Variants in IMPG1 observed in about 807,000 individuals in gnomAD.
The protein encoded by IMPG1 is interphotoreceptor matrix proteoglycan 1.
IMPG1 carries 85 observed loss-of-function variants against 92.0 expected under a neutral mutation model. The observed-to-expected ratio is 0.92, with a 90% CI of 0.78 to 1.11. The LOEUF is 1.11. Among genes scored for constraint, IMPG1 ranks in the 50% least tolerant of loss-of-function variants. IMPG1 has a pLI of 0.00. For synonymous variants in IMPG1, 367 were observed against 334.1 expected (o/e 1.10, Z -1.08); for missense variants, 1,022 against 956.0 (o/e 1.07, Z -0.91).
At chr6:76,011,924 T>C (rs1783193209) in intron 7 of IMPG1, among the ~76,000 whole-genome samples, 1 of 152,024 alleles carries the variant, frequency 6.6e-6, no homozygotes. Flanking sequence ...AACTTTTTTG[T>C]CTACAGGAGT....
At chr6:75,965,826 C>T (rs1220528126) in intron 12 of IMPG1, among the ~76,000 whole-genome samples, 1 of 152,018 alleles carries the variant, frequency 6.6e-6, no homozygotes, top group Non-Finnish European at 1.5e-5. Flanking sequence ...CCAGGATGGT[C>T]TCGATCTCCT....
chr6:76,011,035 T>C, intron 8 of IMPG1, 131 bp downstream of exon 8: 2 of 589,432 alleles, frequency 3.4e-6, no homozygotes. Flanking sequence ...TGAAACGTAC[T>C]CCGTTTCCAG....
intron 12 of IMPG1, among the ~76,000 whole-genome samples, chr6:75,974,879 T>C (rs147336053): frequency 4.9e-4 from 74 of 152,314 alleles, no homozygotes; most frequent in Middle Eastern, 6.8e-3. Flanking sequence ...GATTTAAAAG[T>C]CAAAGATAAA....
At chr6:76,024,014 G>T (rs1783480182) in intron 5 of IMPG1, among the ~76,000 whole-genome samples, 1 of 152,034 alleles carries the variant, frequency 6.6e-6, no homozygotes. Context: ...AGGTGTCACA[G>T]GTCAAATTTG....
At chr6:76,071,199 T>A (rs1784398761) in intron 1 of IMPG1, among the ~76,000 whole-genome samples, 1 of 148,420 alleles carries the variant, frequency 6.7e-6, no homozygotes. Flanking sequence ...ATTATATATT[T>A]GGAATTGTGT....
At chr6:76,054,687 G>T (rs754055276) in intron 1 of IMPG1, among the ~76,000 whole-genome samples, 3 of 152,098 alleles carry the variant, frequency 2.0e-5, no homozygotes, top group Non-Finnish European at 4.4e-5. Context: ...GCTGCTTTCT[G>T]TGTGTTAATA....
intron 2 of IMPG1, 139 bp downstream of exon 2, chr6:76,041,754 A>G (rs1783846293): frequency 1.6e-6 from 1 of 634,974 alleles, no homozygotes; most frequent in East Asian, 2.7e-5. Context: ...TTACTATCAG[A>G]TTATCACTAG....
At chr6:76,048,340 C>A (rs1783980104) in intron 1 of IMPG1, among the ~76,000 whole-genome samples, 1 of 152,176 alleles carries the variant, frequency 6.6e-6, no homozygotes, top group African/African-American at 2.4e-5. Flanking sequence ...TTTCTGGTAC[C>A]TTCTTGCTGA....
intron 12 of IMPG1, among the ~76,000 whole-genome samples, chr6:75,952,002 T>C (rs1477461687): frequency 6.6e-6 from 1 of 152,168 alleles, no homozygotes; most frequent in Admixed American, 6.5e-5. Context: ...GTTACATTAT[T>C]ACGCTCTGAC....
intron 7 of IMPG1, 50 bp from the exon 8 acceptor site, chr6:76,011,274 GT>G: frequency 1.1e-6 from 1 of 916,722 alleles, no homozygotes; most frequent in Non-Finnish European, 1.8e-6. Flanking sequence ...TGCTGGGTCA[GT>G]TCTTGCCTAA....
chr6:75,969,633 T>G (rs1782369266), intron 12 of IMPG1, among the ~76,000 whole-genome samples: 2 of 151,946 alleles, frequency 1.3e-5, no homozygotes, highest in Non-Finnish European at 2.9e-5. Flanking sequence ...CTCAGGAGGT[T>G]GAGGCAGGAG....
chr6:76,030,052 A>G (rs1018547509), intron 4 of IMPG1, among the ~76,000 whole-genome samples: 5 of 152,206 alleles, frequency 3.3e-5, no homozygotes, highest in African/African-American at 1.2e-4. Context: ...GCAGGTGAGC[A>G]TGGCTGATTC....
chr6:75,955,277 C>G (rs1782098482), intron 12 of IMPG1, among the ~76,000 whole-genome samples: 1 of 152,180 alleles, frequency 6.6e-6, no homozygotes, highest in Non-Finnish European at 1.5e-5. Context: ...TTTGTATCCT[C>G]TCTTATTTCC....
intron 12 of IMPG1, among the ~76,000 whole-genome samples, chr6:75,974,397 T>C (rs58036568): frequency 0.14 from 11,092 of 79,536 alleles, 1,022 homozygotes; most frequent in East Asian, 0.37. Context: ...CTTTCTTTTC[T>C]TTCTTTCCTT....
intron 14 of IMPG1, among the ~76,000 whole-genome samples, chr6:75,937,582 G>T (rs1279785886): frequency 6.6e-6 from 1 of 152,104 alleles, no homozygotes; most frequent in Admixed American, 6.5e-5. Flanking sequence ...GTACAGTGGG[G>T]GGAAATAATA....
chr6:76,031,574 T>G (rs1333820897), intron 4 of IMPG1, among the ~76,000 whole-genome samples: 5 of 152,220 alleles, frequency 3.3e-5, no homozygotes, highest in African/African-American at 1.2e-4. Context: ...ATTCTTGTTA[T>G]TTTTTTCTGG....
At chr6:75,954,675 C>T (rs140979330) in intron 12 of IMPG1, among the ~76,000 whole-genome samples, 167 of 152,138 alleles carry the variant, frequency 1.1e-3, no homozygotes, top group African/African-American at 3.7e-3. Context: ...GAATTAGTCA[C>T]GAAGTCTTTG....
At chr6:75,968,132 A>G (rs1782341288) in intron 12 of IMPG1, among the ~76,000 whole-genome samples, 1 of 152,244 alleles carries the variant, frequency 6.6e-6, no homozygotes, top group Non-Finnish European at 1.5e-5. Context: ...AAACCTAATT[A>G]CCAAAACTTG....
At chr6:75,981,174 TATAG>T (rs1323733407) in intron 12 of IMPG1, among the ~76,000 whole-genome samples, 1 of 152,206 alleles carries the variant, frequency 6.6e-6, no homozygotes, top group African/African-American at 2.4e-5. Context: ...GTCTTTTCAT[TATAG>T]ATAGTCTGCT....
Sources: allele counts gnomAD v4.1 joint callset (sites outside exome capture counted in the v4.1 genomes callset), GRCh38; gene constraint gnomAD v4.1.1; transcripts MANE v1.5; gene names NCBI Gene and HGNC (gene_info 2026-07-23, HGNC 2026-07-21).